BCAR3: variants seen among roughly 807,000 people sequenced by gnomAD.
BCAR3 encodes BCAR3 adaptor protein, NSP family member.
In BCAR3, 37 loss-of-function variants were observed where a neutral mutation model predicts 80.1. The ratio of observed to expected loss-of-function variants is 0.46; its 90% CI spans 0.36 to 0.61. The LOEUF (loss-of-function observed/expected upper bound fraction) is 0.61, where lower values mean the gene tolerates loss of function less well. Ranked by LOEUF, BCAR3 falls within the 20% of genes least tolerant of loss-of-function variation. The pLI, the probability that BCAR3 is intolerant of heterozygous loss-of-function variation, is 0.00. For synonymous variants in BCAR3, 389 were observed against 418.9 expected, an observed-to-expected ratio of 0.93 and a Z score of 0.87; for missense variants, 978 against 1,068.2, an observed-to-expected ratio of 0.92 and a Z score of 1.18.
At chr1:93,726,895 C>T (rs1460766856) in intron 2 of BCAR3, among the ~76,000 whole-genome samples, 2 of 152,190 alleles carry the variant, frequency 1.3e-5, no homozygotes, top group African/African-American at 2.4e-5. Context: ...CCTTTACTAA[C>T]GAAGCTGAGC....
chr1:93,802,834 C>A (rs1571138865), intron 2 of BCAR3, among the ~76,000 whole-genome samples: 3 of 152,224 alleles, frequency 2.0e-5, no homozygotes, highest in South Asian at 4.2e-4. Context: ...CTTCTAAATA[C>A]CCCTGGAAAA....
chr1:93,667,778 C>T (rs981362626), intron 2 of BCAR3, among the ~76,000 whole-genome samples: 5 of 152,194 alleles, frequency 3.3e-5, no homozygotes, highest in Non-Finnish European at 5.9e-5. Context: ...GATAGTGACA[C>T]CATTCCGAAG....
chr1:93,740,050 G>A lies in BCAR3; in HGVS notation c.-62-33908C>T, dbSNP rs1484376823. On this transcript the variant is annotated intron_variant, in intron 2 of 13. Coordinates refer to the BCAR3 transcript ENST00000370244. ...AACTCCGTCTCAAAAAAAAAAAAAA[G>A]AAAGAAAGAAAAAGAAAAGAGCCTC... 2.4e-4 allele frequency among the ~76,000 whole-genome samples: 36 copies of A among 147,500 alleles called. 3 individuals are homozygous for A. Among genetic ancestry groups the A allele is most frequent in the Admixed American group, 1.2e-3 (18 of 14,774 alleles).
chr1:93,759,508 A>G (rs1406029966), intron 2 of BCAR3, among the ~76,000 whole-genome samples: 1 of 152,160 alleles, frequency 6.6e-6, no homozygotes, highest in African/African-American at 2.4e-5. Flanking sequence ...TGTGTGGAGC[A>G]GAGAGTACCA....
Position 93,582,745 on chromosome 1 carries a change from C to T in BCAR3, c.1242G>A (p.Lys414=). 6.2e-7 allele frequency: 1 copy of T among 1,614,076 alleles called. No individual in the cohort carries two copies. Among genetic ancestry groups the T allele is most frequent in the Non-Finnish European group, 8.5e-7 (1 of 1,180,006 alleles). The change falls in exon 7 of 12, where the codon AAG becomes AAA. Residue 414 remains lysine (K), a synonymous_variant. Transcript: ENST00000260502. ...GCCAGGCAGAGGGAGACGAGGGAAC[C>T]TTGAGGAACGGCACCTTGCAGGGCT... ...PPKPCKVPFL[K]VPSSPSAWLN...
intron 1 of BCAR3, among the ~76,000 whole-genome samples, chr1:93,676,504 C>T (rs1257300965): frequency 6.6e-6 from 1 of 152,210 alleles, no homozygotes; most frequent in Non-Finnish European, 1.5e-5. Flanking sequence ...GCCTGCTCCA[C>T]GTCCAACTGG....
chr1:93,687,271 C>T lies in BCAR3; in HGVS notation c.-11-12330G>A, dbSNP rs1459198665. Among the ~76,000 whole-genome samples the T allele has an allele frequency of 3.3e-5, 5 of 152,238 alleles. No individual in the cohort carries two copies. The East Asian group carries it at 7.7e-4, about 23-fold the overall frequency. The stretch of plus-strand genomic sequence containing the variant: ...ATTCAAACTTCTTCAAGTCCACAAC[C>T]AGGCTTCATCTAAACATTTATTTTA... On this transcript the variant is annotated intron_variant, in intron 3 of 13. Coordinates refer to the BCAR3 transcript ENST00000370244.
Position 93,592,849 on chromosome 1 carries a change from G to A in BCAR3, c.358-456C>T, listed in dbSNP as rs1674267947. On this transcript the variant is annotated intron_variant, in intron 3 of 11. Transcript: ENST00000260502. This position sits in a 1 kb window ranked among gnomAD's most constrained non-coding sequence, Gnocchi z 4.8. ...AAAGCACAGTCCTTGGGCTGGTAGCGATGGCCCTAACTTCTTTGCTGTTGG... is the reference window on the plus strand; with the variant it reads ...AAAGCACAGTCCTTGGGCTGGTAGCAATGGCCCTAACTTCTTTGCTGTTGG... Among the ~76,000 whole-genome samples, 1 of 152,212 alleles carries A rather than the reference G, an allele frequency of 6.6e-6. No individual in the cohort carries two copies. Among genetic ancestry groups the A allele is most frequent in the Admixed American group, 6.5e-5 (1 of 15,284 alleles).
rs576355563 is a variant in BCAR3, at chr1:93,777,363, T to C, written c.-63+68204A>G. Among the ~76,000 whole-genome samples the C allele has an allele frequency of 3.2e-3, 413 of 129,884 alleles. 5 individuals carry two copies. The highest frequency in any genetic ancestry group is 0.011 in the African/African-American group (390 of 35,296). 85.2% of individuals were successfully genotyped at this position (129,884 alleles called of 152,430 possible). On this transcript the variant is annotated intron_variant, in intron 2 of 13. Transcript: ENST00000370244. ...TTCTTCTGCTTTCTTCTTCCTCCTC[T>C]TCTTCTTCTTCCTCCTCTTCTTCTT...
At chr1:93,820,645 G>A (rs1654180156) in intron 2 of BCAR3, among the ~76,000 whole-genome samples, 1 of 152,236 alleles carries the variant, frequency 6.6e-6, no homozygotes, top group African/African-American at 2.4e-5. Context: ...ACATGTGGAT[G>A]TGTTCACCAA....
chr1:93,561,780 G>A lies in BCAR3; in HGVS notation c.*461C>T, dbSNP rs1672683376. 6.5e-6 allele frequency: 1 copy of A among 152,874 alleles called. No homozygotes were observed. Among genetic ancestry groups the A allele is most frequent in the South Asian group, 2.1e-4 (1 of 4,838 alleles). The allele number at this position is 152,874 out of a possible 1,614,324, so 9.5% of individuals were successfully genotyped here. A position where few individuals can be genotyped will look rare whatever the true frequency, so the allele number is the denominator to read the frequency against. On this transcript the variant is annotated 3_prime_UTR_variant, in exon 12 of 12. Coordinates refer to ENST00000260502, the MANE Select transcript of BCAR3 (RefSeq NM_003567.4). ...TGAGTTGTTTAATATGAAAGAGACT[G>A]GATACAACTGTTTCACAAAAAGATG... is the stretch of plus-strand genomic sequence containing the variant.
intron 2 of BCAR3, among the ~76,000 whole-genome samples, chr1:93,831,515 G>A (rs972483833): frequency 6.6e-5 from 10 of 152,112 alleles, no homozygotes; most frequent in African/African-American, 2.2e-4. Context: ...TGGGCAAATG[G>A]TCTGAGGTGC....
intron 2 of BCAR3, among the ~76,000 whole-genome samples, chr1:93,671,237 T>C (rs143784538): frequency 0.024 from 3,641 of 152,204 alleles, 142 homozygotes; most frequent in African/African-American, 0.083. Context: ...TCGTGATCTG[T>C]CCACCTCGGC....
chr1:93,815,436 A>G (rs1018875186), intron 2 of BCAR3, among the ~76,000 whole-genome samples: 4 of 152,244 alleles, frequency 2.6e-5, no homozygotes, highest in African/African-American at 9.6e-5. Context: ...CATTTGCAGT[A>G]GTGAACTTGA....
At chr1:93,573,630 A>ATTT (rs1422568036) in intron 8 of BCAR3, among the ~76,000 whole-genome samples, 3 of 139,120 alleles carry the variant, frequency 2.2e-5, no homozygotes, top group African/African-American at 8.4e-5. Flanking sequence ...TATTATTATT[A>ATTT]TTATTTTTTT....
chr1:93,637,827 A>G (rs72721064), intron 3 of BCAR3, among the ~76,000 whole-genome samples: 2,689 of 152,318 alleles, frequency 0.018, 52 homozygotes, highest in Middle Eastern at 0.044. Flanking sequence ...TCTCCAGCCT[A>G]TTCTAGGCAT....
chr1:93,694,248 C>G (rs768169024), intron 3 of BCAR3, among the ~76,000 whole-genome samples: 1 of 152,214 alleles, frequency 6.6e-6, no homozygotes, highest in African/African-American at 2.4e-5. Context: ...TGTTGGCTGG[C>G]AACTCCACTT....
chr1:93,578,129 G>A (rs1166538868), intron 7 of BCAR3, among the ~76,000 whole-genome samples: 1 of 152,174 alleles, frequency 6.6e-6, no homozygotes, highest in Non-Finnish European at 1.5e-5. Flanking sequence ...ATCTTAGCTG[G>A]TCTGCTCTGC....
chr1:93,689,760 G>C (rs1485222081), intron 3 of BCAR3, among the ~76,000 whole-genome samples: 1 of 152,160 alleles, frequency 6.6e-6, no homozygotes. Flanking sequence ...TTGGGGGTGG[G>C]TGGTGATGAT....
Sources: allele counts gnomAD v4.1 joint callset (sites outside exome capture counted in the v4.1 genomes callset), GRCh38; gene constraint gnomAD v4.1.1; non-coding constraint Gnocchi (gnomAD v3.1); transcripts MANE v1.5; gene names NCBI Gene and HGNC (gene_info 2026-07-23, HGNC 2026-07-21).